Variants in FBXO28 observed in about 807,000 individuals in gnomAD.
The protein encoded by FBXO28 is F-box only protein 28.
Under a neutral mutation model 38.1 loss-of-function variants are expected in FBXO28, and 8 were observed. The observed-to-expected ratio is 0.21, with a 90% confidence interval of 0.12 to 0.38. The LOEUF is 0.38. Among genes scored for constraint, FBXO28 ranks in the 10% least tolerant of loss-of-function variants. The probability of loss-of-function intolerance (pLI) is 1.00; values close to 1 mark genes in which losing one functional copy is unlikely to be tolerated. For missense variants in FBXO28, 345 were observed against 460.6 expected, an observed-to-expected ratio of 0.75 and a Z score of 2.30; for synonymous variants, 168 against 173.8, an observed-to-expected ratio of 0.97 and a Z score of 0.26.
rs1285872162 is a variant in FBXO28, at chr1:224,161,142, T to C, written c.*3396T>C. 1 of 152,224 alleles carries C rather than the reference T, an allele frequency of 6.6e-6. No individual in the cohort carries two copies. Among genetic ancestry groups the C allele is most frequent in the East Asian group, 1.9e-4 (1 of 5,204 alleles). 9.4% of individuals were successfully genotyped at this position (152,224 alleles called of 1,614,324 possible). ...ATTTTACTATACTGAATTAGTTTCT[T>C]GGAGGTAGATTCATTTCTTGAGTTC... On this transcript the variant is annotated 3_prime_UTR_variant, in exon 5 of 5. Coordinates refer to ENST00000366862, the MANE Select transcript of FBXO28 (RefSeq NM_015176.4).
At chr1:224,130,663 C>T in intron 2 of FBXO28, 82 bp downstream of exon 2, 1 of 866,938 alleles carries the variant, frequency 1.2e-6, no homozygotes, top group Non-Finnish European at 1.9e-6. Context: ...TCATGGTTTA[C>T]ATATTGCTTC....
At chr1:224,131,301 C>T (rs7519433) in intron 2 of FBXO28, among the ~76,000 whole-genome samples, 73,666 of 147,698 alleles carry the variant, frequency 0.5, 18,973 homozygotes, top group African/African-American at 0.67. Flanking sequence ...TTTTTTTTTT[C>T]CCCAAAACTT....
At chr1:224,122,981 A>G (rs1315731845) in intron 1 of FBXO28, among the ~76,000 whole-genome samples, 1 of 152,150 alleles carries the variant, frequency 6.6e-6, no homozygotes, top group Non-Finnish European at 1.5e-5. Flanking sequence ...AAATGGCACA[A>G]ATTAGAAGAC....
chr1:224,116,439 A>T (rs1338290286), intron 1 of FBXO28, among the ~76,000 whole-genome samples: 1 of 152,202 alleles, frequency 6.6e-6, no homozygotes, highest in East Asian at 1.9e-4. Context: ...TTTGCAAAAA[A>T]TCAAGGGACT....
At chr1:224,127,303 C>G (rs1656930004) in intron 1 of FBXO28, among the ~76,000 whole-genome samples, 1 of 151,688 alleles carries the variant, frequency 6.6e-6, no homozygotes, top group Admixed American at 6.6e-5. Flanking sequence ...ACACTGTTAG[C>G]TAATGAAACG....
Position 224,154,781 on chromosome 1 carries a change from C to A in FBXO28, c.712+1444C>A, listed in dbSNP as rs1657733910. Among the ~76,000 whole-genome samples, 3 of 147,976 alleles carry A rather than the reference C, an allele frequency of 2.0e-5. No individual in the cohort carries two copies. The South Asian group carries it at 6.4e-4, about 32-fold the overall frequency. On this transcript the variant is annotated intron_variant, in intron 4 of 4. Transcript: ENST00000366862. Reference sequence around the variant, plus strand: ...CGAGATTGATCGTGCCACTGCACTCCAGCCTGGGTGACAGTGCGAGACTCC... The same window carrying A: ...CGAGATTGATCGTGCCACTGCACTCAAGCCTGGGTGACAGTGCGAGACTCC...
At chr1:224,134,983 C>T (rs1473893305) in intron 3 of FBXO28, among the ~76,000 whole-genome samples, 2 of 152,168 alleles carry the variant, frequency 1.3e-5, no homozygotes, top group Non-Finnish European at 2.9e-5. Context: ...AGATAATTTA[C>T]ATTGGCAATA....
At chr1:224,118,795 C>T (rs183886795) in intron 1 of FBXO28, among the ~76,000 whole-genome samples, 1 of 152,292 alleles carries the variant, frequency 6.6e-6, no homozygotes, top group East Asian at 1.9e-4. Flanking sequence ...GGTCTGAAGA[C>T]ACCTTTACAC....
chr1:224,119,940 G>A (rs1288330109), intron 1 of FBXO28, among the ~76,000 whole-genome samples: 1 of 152,156 alleles, frequency 6.6e-6, no homozygotes, highest in East Asian at 1.9e-4. Flanking sequence ...TCAGATTTAA[G>A]AAACTGTTTT....
intron 4 of FBXO28, among the ~76,000 whole-genome samples, chr1:224,154,013 G>A (rs1365971252): frequency 6.6e-6 from 1 of 151,938 alleles, no homozygotes; most frequent in Non-Finnish European, 1.5e-5. Flanking sequence ...CGGGAGGATC[G>A]TTTCAGCCCA....
intron 1 of FBXO28, 120 bp downstream of exon 1, chr1:224,114,516 G>T: frequency 1.1e-6 from 1 of 870,474 alleles, no homozygotes; most frequent in Non-Finnish European, 1.7e-6. Context: ...ACAGATCTGG[G>T]AGGGAGCCGC....
At position 224,147,826 on chromosome 1, in the gene FBXO28, C is replaced by CA. The variant is rs3065995; in HGVS notation, c.517-5297dup. Reference sequence around the variant, plus strand: ...ATTACATTCTCGTTAATGTAATTTGCAAAAAAAAAAAAAAAAAAAGATTAA... The same window carrying CA: ...ATTACATTCTCGTTAATGTAATTTGCAAAAAAAAAAAAAAAAAAAAGATTAA... On this transcript the variant is annotated intron_variant, in intron 3 of 4. Coordinates refer to ENST00000366862, the MANE Select transcript of FBXO28 (RefSeq NM_015176.4). Among the ~76,000 whole-genome samples, 977 of 127,846 alleles carry CA rather than the reference C, an allele frequency of 7.6e-3. 10 individuals carry two copies. Among genetic ancestry groups the CA allele is most frequent in the African/African-American group, 0.026 (907 of 35,376 alleles). 83.9% of individuals were successfully genotyped at this position (127,846 alleles called of 152,430 possible). A position where few individuals can be genotyped will look rare whatever the true frequency, so the allele number is the denominator to read the frequency against.
rs958741644 is a variant in FBXO28 at position 224,161,201 on chromosome 1, C to T, written c.*3455C>T. 5 of 152,048 alleles carry T rather than the reference C, an allele frequency of 3.3e-5. No individual in the cohort carries two copies. Among genetic ancestry groups the T allele is most frequent in the African/African-American group, 7.2e-5 (3 of 41,400 alleles). 9.4% of individuals were successfully genotyped at this position (152,048 alleles called of 1,614,324 possible). On this transcript the variant is annotated 3_prime_UTR_variant, in exon 5 of 5. Coordinates refer to ENST00000366862, the MANE Select transcript of FBXO28 (RefSeq NM_015176.4). ...CTTAGCCATAATATTTTCTAGGATC[C>T]GGGAACTCCCTATATTGTCTATTTC...
rs550470053 is a variant in FBXO28, at chr1:224,160,104, A to C, written c.*2358A>C. On this transcript the variant is annotated 3_prime_UTR_variant, in exon 5 of 5. Coordinates refer to ENST00000366862, the MANE Select transcript of FBXO28 (RefSeq NM_015176.4). ...TTAAATCTTAGGCTATTTAGCTAAA[A>C]CATGTTAGGATATTGCCTTCACCAC... 7.9e-5 allele frequency: 12 copies of C among 152,288 alleles called. No individual in the cohort carries two copies. The highest frequency in any genetic ancestry group is 6.5e-4 in the Admixed American group (10 of 15,288). The allele number at this position is 152,288 out of a possible 1,614,324, so 9.4% of individuals were successfully genotyped here.
At chr1:224,142,782 CTA>C (rs1346482391) in intron 3 of FBXO28, among the ~76,000 whole-genome samples, 2 of 151,866 alleles carry the variant, frequency 1.3e-5, no homozygotes, top group African/African-American at 4.8e-5. Flanking sequence ...AACCCTGTCT[CTA>C]CTAAAAGTAC....
chr1:224,135,034 T>A (rs1046333513), intron 3 of FBXO28, among the ~76,000 whole-genome samples: 2 of 152,254 alleles, frequency 1.3e-5, no homozygotes, highest in African/African-American at 4.8e-5. Context: ...TCTTTGACAT[T>A]TATTTTTGGG....
At position 224,158,889 on chromosome 1, in the gene FBXO28, T is replaced by G. The variant is rs1657831828; in HGVS notation, c.*1143T>G. Reference sequence around the variant, plus strand: ...GGAGGATGACCTTGAGGGAAGCTTTTTAATATTAGTTTCAAGCTTTCCTTA... The same window carrying G: ...GGAGGATGACCTTGAGGGAAGCTTTGTAATATTAGTTTCAAGCTTTCCTTA... On this transcript the variant is annotated 3_prime_UTR_variant, in exon 5 of 5. Coordinates refer to ENST00000366862, the MANE Select transcript of FBXO28 (RefSeq NM_015176.4). 1 of 152,618 alleles carries G rather than the reference T, an allele frequency of 6.6e-6. No homozygotes were observed. Among genetic ancestry groups the G allele is most frequent in the Non-Finnish European group, 1.5e-5 (1 of 68,038 alleles). 9.5% of individuals were successfully genotyped at this position (152,618 alleles called of 1,614,324 possible).
At chr1:224,127,164 T>TTGTGTGTGTGTGTGTGTGTG (rs564171368) in intron 1 of FBXO28, among the ~76,000 whole-genome samples, 2 of 88,480 alleles carry the variant, frequency 2.3e-5, no homozygotes, top group African/African-American at 3.9e-5. Flanking sequence ...TGTAAAGTAT[T>TTGTGTGTGTGTGTGTGTGTG]TGTGTGTGTG....
At chr1:224,153,930 A>G (rs1365404924) in intron 4 of FBXO28, among the ~76,000 whole-genome samples, 1 of 151,880 alleles carries the variant, frequency 6.6e-6, no homozygotes, top group Non-Finnish European at 1.5e-5. Context: ...TCAAAAAAAA[A>G]AAAAAGAAAT....
Sources: allele counts gnomAD v4.1 joint callset (sites outside exome capture counted in the v4.1 genomes callset), GRCh38; gene constraint gnomAD v4.1.1; transcripts MANE v1.5; gene names NCBI Gene and HGNC (gene_info 2026-07-23, HGNC 2026-07-21).